Variants in SH3PXD2B observed in about 807,000 individuals in gnomAD.
SH3PXD2B encodes SH3 and PX domain-containing protein 2B.
SH3PXD2B carries 37 observed loss-of-function variants against 73.1 expected under a neutral mutation model. The ratio of observed to expected loss-of-function variants is 0.51; its 90% confidence interval spans 0.39 to 0.67. The LOEUF (loss-of-function observed/expected upper bound fraction) is 0.67. SH3PXD2B is among the 30% of genes least tolerant of loss of function. The pLI, the probability that SH3PXD2B is intolerant of heterozygous loss-of-function variation, is 0.00. For missense variants in SH3PXD2B, 1,053 were observed against 1,197.8 expected (o/e 0.88, Z 1.78); for synonymous variants, 457 against 480.5 (o/e 0.95, Z 0.64).
intron 1 of SH3PXD2B, among the ~76,000 whole-genome samples, chr5:172,442,364 GT>G (rs1053626817): frequency 6.6e-6 from 1 of 151,784 alleles, no homozygotes; most frequent in African/African-American, 2.4e-5. Flanking sequence ...ATATGATTTG[GT>G]TTTTTTCATT....
At chr5:172,423,366 G>C (rs1026221408) in intron 1 of SH3PXD2B, among the ~76,000 whole-genome samples, 2 of 152,166 alleles carry the variant, frequency 1.3e-5, no homozygotes, top group African/African-American at 4.8e-5. Flanking sequence ...TGGAAACAAA[G>C]AAATGTCATA....
chr5:172,379,203 G>C (rs900305563), intron 5 of SH3PXD2B, among the ~76,000 whole-genome samples: 1 of 150,890 alleles, frequency 6.6e-6, no homozygotes, highest in East Asian at 1.9e-4. Context: ...GGAGCCCCCC[G>C]GATAGGATTA....
rs1283845840 is a variant in SH3PXD2B, at chr5:172,333,637, CATTT to C, written c.*4728_*4731del. ...CCCCTCCCCTCACATCCTATATACT[CATTT>C]ATTTAATGTGTTAAAGGAAACAAAA... is the stretch of plus-strand genomic sequence containing the variant. On this transcript the variant is annotated 3_prime_UTR_variant, in exon 13 of 13. Coordinates refer to ENST00000311601, the MANE Select transcript of SH3PXD2B (RefSeq NM_001017995.3). 1.2e-5 allele frequency: 16 copies of C among 1,288,942 alleles called. No homozygotes were observed. Among genetic ancestry groups the C allele is most frequent in the African/African-American group, 1.5e-5 (1 of 65,792 alleles). The allele number at this position is 1,288,942 out of a possible 1,614,324, so 79.8% of individuals were successfully genotyped here. A position where few individuals can be genotyped will look rare whatever the true frequency, so the allele number is the denominator to read the frequency against.
intron 12 of SH3PXD2B, among the ~76,000 whole-genome samples, chr5:172,342,353 G>A (rs17646120): frequency 0.039 from 5,986 of 152,264 alleles, 157 homozygotes; most frequent in Non-Finnish European, 0.057. Context: ...CATGCAGAAC[G>A]GAGCCTCAGG....
intron 1 of SH3PXD2B, among the ~76,000 whole-genome samples, chr5:172,439,662 A>ATGTG (rs1324192827): frequency 0.017 from 2,351 of 134,540 alleles, 26 homozygotes; most frequent in Non-Finnish European, 0.024. Flanking sequence ...AAAACCAGGT[A>ATGTG]TGTGTGTGCG....
chr5:172,363,959 A>G (rs758513226), intron 6 of SH3PXD2B, among the ~76,000 whole-genome samples: 39 of 152,328 alleles, frequency 2.6e-4, no homozygotes, highest in South Asian at 6.2e-4. Flanking sequence ...GCTGGTAGAC[A>G]TGAAGATGTC....
intron 1 of SH3PXD2B, among the ~76,000 whole-genome samples, chr5:172,453,046 C>T (rs1184200201): frequency 2.0e-5 from 3 of 152,018 alleles, no homozygotes; most frequent in Non-Finnish European, 4.4e-5. Flanking sequence ...GGAGTGGGTT[C>T]CCGGCTATCT....
intron 1 of SH3PXD2B, among the ~76,000 whole-genome samples, chr5:172,423,944 G>A (rs1479424007): frequency 2.0e-5 from 3 of 152,148 alleles, no homozygotes; most frequent in Non-Finnish European, 2.9e-5. Flanking sequence ...CGCCCGGCCC[G>A]CCCTGGGACT....
In SH3PXD2B at chr5:172,335,625, A is replaced by C; in HGVS notation, c.*2744T>G. 1 of 1,231,862 alleles carries C rather than the reference A, an allele frequency of 8.1e-7. No individual in the cohort carries two copies. Among genetic ancestry groups the C allele is most frequent in the Non-Finnish European group, 1.0e-6 (1 of 988,056 alleles). The allele number at this position is 1,231,862 out of a possible 1,614,324, so 76.3% of individuals were successfully genotyped here. On this transcript the variant is annotated 3_prime_UTR_variant, in exon 13 of 13. Transcript: ENST00000311601. Reference sequence around the variant, plus strand: ...CAGCCCGGTGCTTGGCACCATTGTCACGATGGGCCTGGACACTTTCTAGAG... The same window carrying C: ...CAGCCCGGTGCTTGGCACCATTGTCCCGATGGGCCTGGACACTTTCTAGAG...
rs79141300 is a variant in SH3PXD2B at position 172,383,137 on chromosome 5, G to A, written c.310-1010C>T. 3.4e-3 allele frequency among the ~76,000 whole-genome samples: 523 copies of A among 152,182 alleles called. 2 individuals carry two copies. The highest frequency in any genetic ancestry group is 6.3e-3 in the Non-Finnish European group (428 of 68,006). ...AACTCGTCTACTGGTGAATCTTTAG[G>A]TTATTTCCAACATGCTCACATATAT... On this transcript the variant is annotated intron_variant, in intron 4 of 12. Transcript: ENST00000311601.
rs1482313830 is a variant in SH3PXD2B at position 172,359,093 on chromosome 5, T to G, written c.563-216A>C. 4.6e-5 allele frequency among the ~76,000 whole-genome samples: 7 copies of G among 152,148 alleles called. No homozygotes were observed. The East Asian group carries it at 1.2e-3, about 25-fold the overall frequency. On this transcript the variant is annotated intron_variant, in intron 7 of 12. Transcript: ENST00000311601. ...GAGCCTGGGACAGGGAAGAGTAAAG[T>G]CATCCTAAATGACAACAATAAAGAG...
intron 1 of SH3PXD2B, among the ~76,000 whole-genome samples, chr5:172,429,782 G>A (rs1424916471): frequency 6.6e-6 from 1 of 152,232 alleles, no homozygotes; most frequent in Non-Finnish European, 1.5e-5. Context: ...AGTGCCTACA[G>A]TTGCACAGCT....
chr5:172,343,858 T>C (rs1339802061), intron 12 of SH3PXD2B, among the ~76,000 whole-genome samples: 1 of 151,736 alleles, frequency 6.6e-6, no homozygotes, highest in Non-Finnish European at 1.5e-5. Context: ...GTGTGGGCTT[T>C]AAAACCAGAA....
chr5:172,357,269 C>T (rs537725305), intron 8 of SH3PXD2B, among the ~76,000 whole-genome samples: 7 of 151,696 alleles, frequency 4.6e-5, no homozygotes, highest in African/African-American at 9.7e-5. Flanking sequence ...ACTAAAAATA[C>T]GAAAACTAGC....
intron 12 of SH3PXD2B, among the ~76,000 whole-genome samples, chr5:172,341,641 T>C (rs1450682963): frequency 6.6e-6 from 1 of 152,042 alleles, no homozygotes; most frequent in Non-Finnish European, 1.5e-5. Flanking sequence ...AATTACCCAG[T>C]CTCAGGTATT....
chr5:172,392,674 A>G (rs571605236), intron 4 of SH3PXD2B, among the ~76,000 whole-genome samples: 32 of 151,918 alleles, frequency 2.1e-4, no homozygotes, highest in Non-Finnish European at 4.6e-4. Flanking sequence ...AATCCCAGCG[A>G]CTCAGGAGGC....
At chr5:172,342,683 C>T (rs1234637096) in intron 12 of SH3PXD2B, among the ~76,000 whole-genome samples, 1 of 152,160 alleles carries the variant, frequency 6.6e-6, no homozygotes, top group Non-Finnish European at 1.5e-5. Context: ...AACGCTTGAA[C>T]CTGGGAGGCA....
intron 12 of SH3PXD2B, among the ~76,000 whole-genome samples, chr5:172,325,624 A>G (rs140979171): frequency 6.6e-6 from 1 of 152,116 alleles, no homozygotes; most frequent in East Asian, 1.9e-4. Context: ...CAAATGGGGG[A>G]TGATCGCTGT....
chr5:172,346,033 A>C (rs1290177648), intron 12 of SH3PXD2B, 103 bp downstream of exon 12: 85 of 1,573,716 alleles, frequency 5.4e-5, no homozygotes, highest in Non-Finnish European at 7.1e-5. Context: ...TCTCCGCCCC[A>C]CCTCCACCCA....
Sources: gnomAD v4.1 joint callset for allele counts (sites outside exome capture counted in the v4.1 genomes callset) on GRCh38, gnomAD v4.1.1 for gene constraint, MANE v1.5 for transcripts, NCBI Gene and HGNC (gene_info 2026-07-23, HGNC 2026-07-21) for gene names.